The following CA6 variants were observed in gnomAD, a reference collection of about 807,000 sequenced individuals.
CA6 encodes the protein carbonic anhydrase 6, also known as carbonate dehydratase VI.
CA6 carries 28 observed loss-of-function variants against 35.9 expected under a neutral mutation model. The ratio of observed to expected loss-of-function variants is 0.78; its 90% CI spans 0.58 to 1.07. The LOEUF (loss-of-function observed/expected upper bound fraction) is 1.07. Ranked by LOEUF, CA6 falls within the 50% of genes least tolerant of loss-of-function variation. The pLI, the probability that CA6 is intolerant of heterozygous loss-of-function variation, is 0.00. For synonymous variants in CA6, 148 were observed against 152.6 expected (o/e 0.97, Z 0.22); for missense variants, 377 against 382.0 (o/e 0.99, Z 0.11).
chr1:8,973,730 TTC>T (rs1640174147), intron 7 of CA6, among the ~76,000 whole-genome samples: 1 of 17,658 alleles, frequency 5.7e-5, no homozygotes, highest in African/African-American at 3.9e-4. Context: ...CTTTCTTTCT[TTC>T]TTTCTTTCTT....
In CA6 at chr1:8,974,929, C is replaced by T; in HGVS notation, c.*225C>T. The stretch of plus-strand genomic sequence containing the variant: ...TTCATGAGACGGGATCTGAGTTAGA[C>T]ATCACCAGTGGAAATTGATTGGAAT... On this transcript the variant is annotated 3_prime_UTR_variant, in exon 8 of 8. Coordinates refer to ENST00000377443, the MANE Select transcript of CA6 (RefSeq NM_001215.4). 2.4e-6 allele frequency: 1 copy of T among 413,416 alleles called. No individual in the cohort carries two copies. The highest frequency in any genetic ancestry group is 4.3e-6 in the Non-Finnish European group (1 of 234,608). The allele number at this position is 413,416 out of a possible 1,614,324, so 25.6% of individuals were successfully genotyped here.
At chr1:8,959,045 G>T in intron 4 of CA6, 43 bp downstream of exon 4, 1 of 1,167,224 alleles carries the variant, frequency 8.6e-7, no homozygotes, top group South Asian at 1.2e-5. Flanking sequence ...TGAAGTTATA[G>T]GTTGATGTCC....
intron 4 of CA6, among the ~76,000 whole-genome samples, chr1:8,960,789 C>CATAT (rs1553163139): frequency 1.2e-3 from 140 of 116,946 alleles, no homozygotes; most frequent in African/African-American, 2.6e-3. Flanking sequence ...CACACACACA[C>CATAT]ATATATATAA....
chr1:8,947,802 T>C (rs146925078), intron 1 of CA6, among the ~76,000 whole-genome samples: 1 of 151,988 alleles, frequency 6.6e-6, no homozygotes, highest in East Asian at 1.9e-4. Flanking sequence ...TCCAGGCCAA[T>C]TGCCTTGATT....
chr1:8,950,534 G>T (rs892198237), intron 2 of CA6, among the ~76,000 whole-genome samples: 2 of 151,956 alleles, frequency 1.3e-5, no homozygotes, highest in Non-Finnish European at 2.9e-5. Flanking sequence ...ACTCCTGCTT[G>T]GGTTGAGATA....
At chr1:8,951,393 G>C (rs1037856045) in intron 2 of CA6, 1 of 747,610 alleles carries the variant, frequency 1.3e-6, no homozygotes, top group Admixed American at 1.7e-5. Context: ...TCGAGCTCTT[G>C]TTTCCAAAGT....
rs1295080181 is a variant in CA6, at chr1:8,963,029, G to A, written c.571+373G>A. On this transcript the variant is annotated intron_variant, in intron 5 of 7. Coordinates refer to ENST00000377443, the MANE Select transcript of CA6 (RefSeq NM_001215.4). This position sits in a 1 kb window ranked among gnomAD's most constrained non-coding sequence, Gnocchi z 4.1. ...AGCTGAGATGAATGTCAAGAGGGAA[G>A]CCCTCGTCATACCACTTGGACATCC... is the stretch of plus-strand genomic sequence containing the variant. Among the ~76,000 whole-genome samples the A allele has an allele frequency of 6.6e-6, 1 of 152,096 alleles. No homozygotes were observed. The highest frequency in any genetic ancestry group is 1.5e-5 in the Non-Finnish European group (1 of 68,014).
chr1:8,974,085 A>C (rs1640202509), intron 7 of CA6, among the ~76,000 whole-genome samples: 1 of 152,084 alleles, frequency 6.6e-6, no homozygotes, highest in Non-Finnish European at 1.5e-5. Flanking sequence ...TCAGCCTCCC[A>C]AAGTGCTGGG....
chr1:8,970,467 G>C (rs1308917175), intron 6 of CA6, among the ~76,000 whole-genome samples: 1 of 151,866 alleles, frequency 6.6e-6, no homozygotes, highest in Non-Finnish European at 1.5e-5. Flanking sequence ...ACTTCATCAG[G>C]GTTATATAAA....
intron 4 of CA6, among the ~76,000 whole-genome samples, chr1:8,961,173 G>T (rs909047769): frequency 2.0e-5 from 3 of 152,138 alleles, no homozygotes; most frequent in Non-Finnish European, 4.4e-5. Context: ...TTGCTAGCCG[G>T]TCTATCTTAC....
rs370998233 is a variant in CA6 at position 8,951,602 on chromosome 1, G to A, written c.259+2160G>A. 9.4e-5 allele frequency: 72 copies of A among 765,224 alleles called. 1 individual carries two copies. The highest frequency in any genetic ancestry group is 6.1e-4 in the Admixed American group (36 of 59,026). The allele number at this position is 765,224 out of a possible 1,614,324, so 47.4% of individuals were successfully genotyped here. A position where few individuals can be genotyped will look rare whatever the true frequency, so the allele number is the denominator to read the frequency against. On this transcript the variant is annotated intron_variant, in intron 2 of 7. Coordinates refer to ENST00000377443, the MANE Select transcript of CA6 (RefSeq NM_001215.4). ...GTGCGGGCTTCGTGCTGAGGGCCCA[G>A]AAGAGGGAAGGCATATGGAAGAGAA... is the stretch of plus-strand genomic sequence containing the variant.
chr1:8,962,632 C>T lies in CA6; in HGVS notation c.547C>T (p.His183Tyr). The change falls in exon 5 of 8, where the codon CAT becomes TAT. Residue 183 changes from histidine to tyrosine, a missense_variant. Transcript: ENST00000377443. ...CACTTATTACAGCAACTTCATTTCT[C>T]ATCTGGCCAACATCAAGTACCCAGG... is the stretch of plus-strand genomic sequence containing the variant. ...ENTYYSNFISHLANIKYPGQR... is the reference protein window; with the variant it reads ...ENTYYSNFISYLANIKYPGQR... 7 of 1,613,842 alleles carry T rather than the reference C, an allele frequency of 4.3e-6. No homozygotes were observed. Among genetic ancestry groups the T allele is most frequent in the African/African-American group, 1.3e-5 (1 of 75,042 alleles).
chr1:8,974,014 G>C (rs566384299), intron 7 of CA6, among the ~76,000 whole-genome samples: 71 of 151,992 alleles, frequency 4.7e-4, no homozygotes, highest in African/African-American at 1.4e-3. Context: ...TTGTAGAGAC[G>C]GGCTTTGGCC....
intron 7 of CA6, chr1:8,974,386 CAA>C: frequency 6.5e-7 from 1 of 1,537,354 alleles, no homozygotes; most frequent in Non-Finnish European, 8.7e-7. Flanking sequence ...AGCCAAAATC[CAA>C]GAGTACAGCC....
At chr1:8,974,553 T>TC in intron 7 of CA6, 69 bp from the exon 8 acceptor site, 1 of 1,411,068 alleles carries the variant, frequency 7.1e-7, no homozygotes. Flanking sequence ...TGTCTGGCCG[T>TC]CCCCCTTCTC....
chr1:8,951,739 T>G, intron 2 of CA6: 1 of 742,694 alleles, frequency 1.3e-6, no homozygotes, highest in African/African-American at 1.7e-5. Context: ...GGAAGCCTGT[T>G]CCTTTGGGGT....
rs140316682 is a variant in CA6, at chr1:8,963,838, G to A, written c.571+1182G>A. On this transcript the variant is annotated intron_variant, in intron 5 of 7. Transcript: ENST00000377443. This position sits in a 1 kb window ranked among gnomAD's most constrained non-coding sequence, Gnocchi z 4.1. ...TTATAGGCATGAGCCACCACACCTGGCCAACTGGTATTATTTTTTATTCAT... is the reference window on the plus strand; with the variant it reads ...TTATAGGCATGAGCCACCACACCTGACCAACTGGTATTATTTTTTATTCAT... 6.6e-6 allele frequency among the ~76,000 whole-genome samples: 1 copy of A among 152,298 alleles called. No homozygotes were observed. The highest frequency in any genetic ancestry group is 1.5e-5 in the Non-Finnish European group (1 of 68,024).
rs1640231590 is a variant in CA6, at chr1:8,975,037, C to A, written c.*333C>A. ...CTGTCTGAATTATAAACCAGCCTGA[C>A]CTTTCCTTTAGCATTAGATGTAATA... is the stretch of plus-strand genomic sequence containing the variant. On this transcript the variant is annotated 3_prime_UTR_variant, in exon 8 of 8. Coordinates refer to ENST00000377443, the MANE Select transcript of CA6 (RefSeq NM_001215.4). 5.4e-6 allele frequency: 1 copy of A among 186,774 alleles called. No individual in the cohort carries two copies. Among genetic ancestry groups the A allele is most frequent in the Non-Finnish European group, 1.1e-5 (1 of 91,894 alleles). 11.6% of individuals were successfully genotyped at this position (186,774 alleles called of 1,614,324 possible).
rs115942471 is a variant in CA6 at position 8,974,551 on chromosome 1, C to T, written c.845-71C>T. ...ATACGATGCGGGTATGGTGTCTGGC[C>T]GTCCCCCTTCTCTGTTTTTGTGAGG... On this transcript the variant is annotated intron_variant, in intron 7 of 7. Coordinates refer to ENST00000377443, the MANE Select transcript of CA6 (RefSeq NM_001215.4). 1,725 of 1,410,246 alleles carry T rather than the reference C, an allele frequency of 1.2e-3. 3 individuals are homozygous for T. Among genetic ancestry groups the T allele is most frequent in the Non-Finnish European group, 1.6e-3 (1,571 of 1,013,326 alleles). The allele number at this position is 1,410,246 out of a possible 1,614,324, so 87.4% of individuals were successfully genotyped here. A position where few individuals can be genotyped will look rare whatever the true frequency, so the allele number is the denominator to read the frequency against.
Sources: allele counts gnomAD v4.1 joint callset (sites outside exome capture counted in the v4.1 genomes callset), GRCh38; gene constraint gnomAD v4.1.1; non-coding constraint Gnocchi (gnomAD v3.1); transcripts MANE v1.5; gene names NCBI Gene and HGNC (gene_info 2026-07-23, HGNC 2026-07-21).